Variants in F2R observed in about 807,000 individuals in gnomAD.
The protein encoded by F2R is proteinase-activated receptor 1.
Under a neutral mutation model 18.3 loss-of-function variants are expected in F2R, and 12 were observed. The ratio of observed to expected loss-of-function variants is 0.66; its 90% CI spans 0.42 to 1.06. F2R has a LOEUF of 1.06. Ranked by LOEUF, F2R falls within the 50% of genes least tolerant of loss-of-function variation. The probability of loss-of-function intolerance (pLI) is 0.00; values close to 1 mark genes in which losing one functional copy is unlikely to be tolerated. For synonymous variants in F2R, 210 were observed against 219.9 expected (o/e 0.95, Z 0.40); for missense variants, 438 against 530.8 (o/e 0.83, Z 1.72).
chr5:76,726,423 A>G (rs1412391161), intron 1 of F2R, among the ~76,000 whole-genome samples: 2 of 151,920 alleles, frequency 1.3e-5, no homozygotes, highest in Admixed American at 1.3e-4. Context: ...CCCAGCTACT[A>G]GGGAGGCTGA....
intron 1 of F2R, among the ~76,000 whole-genome samples, chr5:76,725,306 C>T (rs1471436176): frequency 1.3e-5 from 2 of 151,978 alleles, no homozygotes; most frequent in Admixed American, 6.6e-5. Context: ...TTGCTGTATT[C>T]GATAACAAAA....
At chr5:76,718,680 T>C (rs1297222647) in intron 1 of F2R, among the ~76,000 whole-genome samples, 1 of 152,268 alleles carries the variant, frequency 6.6e-6, no homozygotes, top group Non-Finnish European at 1.5e-5. Context: ...ACTCAGCAGA[T>C]AGTTGTTGAG....
rs1476837727 is a variant in F2R, at chr5:76,734,266, T to G, written c.*763T>G. The G allele has an allele frequency of 6.6e-6, 1 of 152,342 alleles. No individual in the cohort carries two copies. Among genetic ancestry groups the G allele is most frequent in the African/African-American group, 2.4e-5 (1 of 41,438 alleles). 9.4% of individuals were successfully genotyped at this position (152,342 alleles called of 1,614,324 possible). Reference sequence around the variant, plus strand: ...TAGGCTGGCTTTCAGAGTAGGCTATTCCTGAGAGCTGCATGTGTCCGCCCC... The same window carrying G: ...TAGGCTGGCTTTCAGAGTAGGCTATGCCTGAGAGCTGCATGTGTCCGCCCC... On this transcript the variant is annotated 3_prime_UTR_variant, in exon 2 of 2. Transcript: ENST00000319211.
chr5:76,717,332 AGT>A (rs1311277349), intron 1 of F2R, among the ~76,000 whole-genome samples: 1 of 152,236 alleles, frequency 6.6e-6, no homozygotes, highest in African/African-American at 2.4e-5. Flanking sequence ...AAGTGAGAAA[AGT>A]GTTTTTGAAT....
chr5:76,718,422 T>C (rs896441979), intron 1 of F2R, among the ~76,000 whole-genome samples: 1 of 152,232 alleles, frequency 6.6e-6, no homozygotes, highest in Non-Finnish European at 1.5e-5. Context: ...GTGCCTCCCA[T>C]CCTTGAACCG....
intron 1 of F2R, among the ~76,000 whole-genome samples, chr5:76,724,828 G>A (rs530687562): frequency 6.6e-6 from 1 of 152,192 alleles, no homozygotes; most frequent in Non-Finnish European, 1.5e-5. Context: ...TCCTACCCCA[G>A]ATCTGGAACT....
At chr5:76,728,971 G>A (rs1037945554) in intron 1 of F2R, among the ~76,000 whole-genome samples, 6 of 152,288 alleles carry the variant, frequency 3.9e-5, no homozygotes, top group South Asian at 2.1e-4. Context: ...GATTACAGGC[G>A]TGAGCCACCG....
At chr5:76,725,394 G>A (rs1469546929) in intron 1 of F2R, among the ~76,000 whole-genome samples, 1 of 152,116 alleles carries the variant, frequency 6.6e-6, no homozygotes, top group Non-Finnish European at 1.5e-5. Context: ...CAGGACCTCT[G>A]CTGCCTTTTT....
At chr5:76,729,927 T>C (rs1748638670) in intron 1 of F2R, among the ~76,000 whole-genome samples, 2 of 152,154 alleles carry the variant, frequency 1.3e-5, no homozygotes, top group African/African-American at 4.8e-5. Context: ...AACAGGAGTT[T>C]CCCTGCACAA....
At chr5:76,728,637 T>C (rs954362100) in intron 1 of F2R, among the ~76,000 whole-genome samples, 2 of 150,810 alleles carry the variant, frequency 1.3e-5, no homozygotes, top group Non-Finnish European at 3.0e-5. Flanking sequence ...TGGGCTATTA[T>C]AAATAATTCT....
chr5:76,719,091 C>G (rs1748399340), intron 1 of F2R, among the ~76,000 whole-genome samples: 1 of 152,200 alleles, frequency 6.6e-6, no homozygotes, highest in Non-Finnish European at 1.5e-5. Context: ...CCAGAATGCC[C>G]TCCCCATATC....
At position 76,731,423 on chromosome 5, in the gene F2R, G is replaced by A. The variant is rs374197619; in HGVS notation, c.89-891G>A. ...CCGGAGGCGGAGGTTGCGGTGAGCC[G>A]AGATCGCGCCACTGTGCTCCAGCCT... On this transcript the variant is annotated intron_variant, in intron 1 of 1. Transcript: ENST00000319211. Among the ~76,000 whole-genome samples the A allele has an allele frequency of 3.9e-4, 59 of 151,664 alleles. No homozygotes were observed. The South Asian group carries it at 8.3e-3, about 21-fold the overall frequency.
At chr5:76,717,249 A>G (rs1748363943) in intron 1 of F2R, among the ~76,000 whole-genome samples, 1 of 152,236 alleles carries the variant, frequency 6.6e-6, no homozygotes, top group Admixed American at 6.5e-5. Flanking sequence ...TATTTGGTCA[A>G]ATATTTTCTG....
At chr5:76,723,240 A>T (rs1748499044) in intron 1 of F2R, among the ~76,000 whole-genome samples, 1 of 152,212 alleles carries the variant, frequency 6.6e-6, no homozygotes, top group Non-Finnish European at 1.5e-5. Flanking sequence ...TACTGTAGCT[A>T]AAAGGATGGG....
intron 1 of F2R, among the ~76,000 whole-genome samples, chr5:76,726,599 G>A (rs1168985411): frequency 6.6e-6 from 1 of 152,096 alleles, no homozygotes; most frequent in Admixed American, 6.6e-5. Context: ...TACTTGGGAG[G>A]CTGAGGCAGG....
intron 1 of F2R, among the ~76,000 whole-genome samples, chr5:76,720,963 C>T (rs548830483): frequency 7.9e-5 from 12 of 152,182 alleles, no homozygotes; most frequent in South Asian, 4.2e-4. Flanking sequence ...CCTGCCACCA[C>T]GCCTGGCTAA....
rs566812774 is a variant in F2R, at chr5:76,716,279, C to T, written c.-29C>T. On this transcript the variant is annotated 5_prime_UTR_variant, in exon 1 of 2. Coordinates refer to ENST00000319211, the MANE Select transcript of F2R (RefSeq NM_001992.5). ...AGCAGCCCGAGGCGGGGCAGCCTCC[C>T]GGAGCAGCGCCGCGCAGAGCCCGGG... is the stretch of plus-strand genomic sequence containing the variant. The T allele has an allele frequency of 3.4e-5, 46 of 1,345,050 alleles. No homozygotes were observed. The South Asian group carries it at 8.7e-4, about 25-fold the overall frequency. The allele number at this position is 1,345,050 out of a possible 1,614,324, so 83.3% of individuals were successfully genotyped here.
chr5:76,716,467 G>T, intron 1 of F2R, 72 bp downstream of exon 1: 5 of 1,236,894 alleles, frequency 4.0e-6, no homozygotes, highest in Non-Finnish European at 5.3e-6. Flanking sequence ...TCACTGTTGC[G>T]CCTTCTCCTC....
intron 1 of F2R, among the ~76,000 whole-genome samples, chr5:76,730,835 G>A (rs1375067737): frequency 6.6e-6 from 1 of 152,184 alleles, no homozygotes; most frequent in Non-Finnish European, 1.5e-5. Context: ...TAATTTGCTA[G>A]CATGATTCAC....
Sources: allele counts gnomAD v4.1 joint callset (sites outside exome capture counted in the v4.1 genomes callset), GRCh38; gene constraint gnomAD v4.1.1; transcripts MANE v1.5; gene names NCBI Gene and HGNC (gene_info 2026-07-23, HGNC 2026-07-21).